SNTG1: variants seen among roughly 807,000 people sequenced by gnomAD.
SNTG1 encodes gamma-1-syntrophin.
SNTG1 carries 39 observed loss-of-function variants against 74.7 expected under a neutral mutation model. The ratio of observed to expected loss-of-function variants is 0.52; its 90% CI spans 0.40 to 0.68. The LOEUF is 0.68. Ranked by LOEUF, SNTG1 falls within the 30% of genes least tolerant of loss-of-function variation. SNTG1 has a pLI of 0.00. For synonymous variants in SNTG1, 254 were observed against 217.1 expected (o/e 1.17, Z -1.49); for missense variants, 685 against 609.5 (o/e 1.12, Z -1.30).
In SNTG1 at chr8:50,118,565, T is replaced by C. The variant is rs865935121; in HGVS notation, c.-102-53996T>C. 4.0e-4 allele frequency among the ~76,000 whole-genome samples: 39 copies of C among 96,922 alleles called. 8 individuals carry two copies. The highest frequency in any genetic ancestry group is 0.012 in the Middle Eastern group (2 of 166). 63.6% of individuals were successfully genotyped at this position (96,922 alleles called of 152,430 possible). A position where few individuals can be genotyped will look rare whatever the true frequency, so the allele number is the denominator to read the frequency against. Reference sequence around the variant, plus strand: ...TGACTCTGGACACATAGCTAACACGTGGCCAAGCCAATCATGTGAGGAGTT... The same window carrying C: ...TGACTCTGGACACATAGCTAACACGCGGCCAAGCCAATCATGTGAGGAGTT... On this transcript the variant is annotated intron_variant, in intron 1 of 18. Coordinates refer to ENST00000642720, the MANE Select transcript of SNTG1 (RefSeq NM_018967.5).
chr8:50,736,460 T>G (rs2095529033), intron 17 of SNTG1, among the ~76,000 whole-genome samples: 1 of 151,906 alleles, frequency 6.6e-6, no homozygotes, highest in Non-Finnish European at 1.5e-5. Flanking sequence ...AAACTTAGAC[T>G]CCCACACAGT....
intron 1 of SNTG1, among the ~76,000 whole-genome samples, chr8:50,065,755 T>A (rs1001182041): frequency 6.6e-6 from 1 of 152,206 alleles, no homozygotes; most frequent in South Asian, 2.1e-4. Context: ...TTAACCAATA[T>A]GGAGGGTATT....
chr8:50,725,779 T>A (rs1554621523), intron 17 of SNTG1, among the ~76,000 whole-genome samples: 1 of 152,196 alleles, frequency 6.6e-6, no homozygotes, highest in Non-Finnish European at 1.5e-5. Flanking sequence ...CACTTAGTTT[T>A]ATCAGCAAGT....
chr8:50,433,889 A>T (rs1485677236), intron 4 of SNTG1, among the ~76,000 whole-genome samples: 1 of 152,004 alleles, frequency 6.6e-6, no homozygotes, highest in African/African-American at 2.4e-5. Context: ...GTAGATTTTT[A>T]TTTATTTTTT....
At chr8:50,227,210 T>C in intron 2 of SNTG1, among the ~76,000 whole-genome samples, 1 of 152,098 alleles carries the variant, frequency 6.6e-6, no homozygotes, top group East Asian at 1.9e-4. Flanking sequence ...ACTACAGACC[T>C]ATAGAAAAAA....
chr8:50,142,101 G>C (rs1199886186), intron 1 of SNTG1, among the ~76,000 whole-genome samples: 2 of 151,888 alleles, frequency 1.3e-5, no homozygotes, highest in Non-Finnish European at 2.9e-5. Context: ...TATGTTTGTA[G>C]GTTTACCTAA....
chr8:50,492,761 C>A (rs1486950751), intron 8 of SNTG1, among the ~76,000 whole-genome samples: 1 of 152,150 alleles, frequency 6.6e-6, no homozygotes, highest in Non-Finnish European at 1.5e-5. Flanking sequence ...TCAATTTTGG[C>A]TTTTGTTGCC....
chr8:49,980,521 CAAAAAAAAAAAAAAAAAA>C (rs565561398), intron 1 of SNTG1, among the ~76,000 whole-genome samples: 931 of 53,906 alleles, frequency 0.017, 28 homozygotes, highest in African/African-American at 0.064. Flanking sequence ...GACTCCTTCG[CAAAAAAAAAAAAAAAAAA>C]AAAAAAAAAA....
intron 1 of SNTG1, among the ~76,000 whole-genome samples, chr8:50,038,551 A>C (rs541466542): frequency 6.6e-6 from 1 of 152,300 alleles, no homozygotes; most frequent in Admixed American, 6.5e-5. Context: ...GGCAGGCCAC[A>C]TTGATTTAGA....
chr8:50,739,546 A>G (rs973690007), intron 17 of SNTG1, among the ~76,000 whole-genome samples: 2 of 152,140 alleles, frequency 1.3e-5, no homozygotes, highest in Non-Finnish European at 2.9e-5. Context: ...CATTTGACCC[A>G]GCAATCCATT....
intron 1 of SNTG1, among the ~76,000 whole-genome samples, chr8:49,988,702 C>CA (rs746398388): frequency 1.3e-5 from 2 of 151,960 alleles, no homozygotes; most frequent in East Asian, 3.9e-4. Context: ...ATGCTTTGCA[C>CA]AAAATACTTT....
chr8:50,691,457 C>G (rs1298278600), intron 15 of SNTG1, among the ~76,000 whole-genome samples: 1 of 152,164 alleles, frequency 6.6e-6, no homozygotes, highest in African/African-American at 2.4e-5. Flanking sequence ...GTGACAAAGT[C>G]TCTCAGCATT....
chr8:50,244,809 A>T (rs977626510), intron 2 of SNTG1, among the ~76,000 whole-genome samples: 2 of 152,182 alleles, frequency 1.3e-5, no homozygotes, highest in East Asian at 3.9e-4. Context: ...TGCAGTCTCA[A>T]ATATGCTTGG....
chr8:50,428,201 T>C (rs2093188331), intron 4 of SNTG1, among the ~76,000 whole-genome samples: 1 of 152,152 alleles, frequency 6.6e-6, no homozygotes, highest in Admixed American at 6.5e-5. Context: ...TCCTAGATAC[T>C]GGAGAGGCTG....
intron 2 of SNTG1, among the ~76,000 whole-genome samples, chr8:50,289,525 T>G (rs1450135): frequency 2.6e-5 from 4 of 151,928 alleles, no homozygotes; most frequent in African/African-American, 9.7e-5. Context: ...CATCATTGTA[T>G]CACTAACACC....
intron 2 of SNTG1, among the ~76,000 whole-genome samples, chr8:50,294,341 A>G (rs1019185212): frequency 6.6e-6 from 1 of 152,232 alleles, no homozygotes; most frequent in Non-Finnish European, 1.5e-5. Flanking sequence ...CAACAGCTTC[A>G]AAGTATTCTT....
At chr8:49,928,332 G>T (rs1250858242) in intron 1 of SNTG1, among the ~76,000 whole-genome samples, 2 of 151,200 alleles carry the variant, frequency 1.3e-5, no homozygotes, top group Non-Finnish European at 2.9e-5. Context: ...CTGGGTTCAA[G>T]CGATTCTCCA....
chr8:49,957,895 T>A (rs1299324061), intron 1 of SNTG1, among the ~76,000 whole-genome samples: 1 of 151,750 alleles, frequency 6.6e-6, no homozygotes, highest in Non-Finnish European at 1.5e-5. Flanking sequence ...GAACCGGGAG[T>A]TGAAGTCCAG....
intron 1 of SNTG1, among the ~76,000 whole-genome samples, chr8:50,042,931 G>A (rs1316519995): frequency 6.6e-6 from 1 of 152,116 alleles, no homozygotes; most frequent in East Asian, 1.9e-4. Context: ...AGCAATTAAA[G>A]CAATGTAAAG....
Sources: gnomAD v4.1 joint callset for allele counts (sites outside exome capture counted in the v4.1 genomes callset) on GRCh38, gnomAD v4.1.1 for gene constraint, MANE v1.5 for transcripts, NCBI Gene and HGNC (gene_info 2026-07-23, HGNC 2026-07-21) for gene names.